TFEC: variants seen among roughly 807,000 people sequenced by gnomAD.
The protein encoded by TFEC is transcription factor EC, also known as class E basic helix-loop-helix protein 34.
Under a neutral mutation model 41.6 loss-of-function variants are expected in TFEC, and 31 were observed. That is an observed-to-expected ratio of 0.74 (90% CI 0.56 to 1.01). The LOEUF is 1.01. TFEC is among the 50% of genes least tolerant of loss of function. The pLI is 0.00. For missense variants in TFEC, 402 were observed against 404.1 expected (o/e 0.99, Z 0.04); for synonymous variants, 143 against 140.6 (o/e 1.02, Z -0.12).
At chr7:116,009,986 T>C (rs1794938402) in intron 1 of TFEC, among the ~76,000 whole-genome samples, 1 of 152,128 alleles carries the variant, frequency 6.6e-6, no homozygotes, top group Non-Finnish European at 1.5e-5. Context: ...GATGGGATGA[T>C]AGGGCTCAAA....
At chr7:115,942,120 A>G in intron 6 of TFEC, 80 bp from the exon 7 acceptor site, 1 of 1,376,910 alleles carries the variant, frequency 7.3e-7, no homozygotes, top group Non-Finnish European at 9.8e-7. Flanking sequence ...TTTTACATTA[A>G]TATGAAATAA....
At chr7:116,014,690 T>G (rs1169413818) in intron 1 of TFEC, among the ~76,000 whole-genome samples, 1 of 152,126 alleles carries the variant, frequency 6.6e-6, no homozygotes, top group Non-Finnish European at 1.5e-5. Context: ...ACAAGGAGTT[T>G]TGTATGTGTT....
At chr7:115,977,703 TAGAG>T (rs1235373469) in intron 2 of TFEC, among the ~76,000 whole-genome samples, 1 of 152,020 alleles carries the variant, frequency 6.6e-6, no homozygotes, top group East Asian at 1.9e-4. Context: ...TAGATATATG[TAGAG>T]AGAGACATAC....
chr7:115,966,806 C>G (rs1291685880), intron 3 of TFEC, among the ~76,000 whole-genome samples: 1 of 151,642 alleles, frequency 6.6e-6, no homozygotes, highest in East Asian at 1.9e-4. Flanking sequence ...TACCAATGTC[C>G]CCATTCCTTC....
At chr7:116,040,834 G>T (rs748617158) in intron 3 of TFEC, among the ~76,000 whole-genome samples, 4 of 152,164 alleles carry the variant, frequency 2.6e-5, no homozygotes, top group African/African-American at 9.7e-5. Flanking sequence ...CTGCATTTGT[G>T]TGTATTGTGA....
intron 1 of TFEC, among the ~76,000 whole-genome samples, chr7:116,129,441 C>T (rs1798284525): frequency 1.3e-5 from 2 of 151,022 alleles, no homozygotes; most frequent in African/African-American, 2.4e-5. Flanking sequence ...ATACGGCATA[C>T]AGAGAGCATT....
upstream of TFEC, among the ~76,000 whole-genome samples, chr7:116,033,988 G>A (rs1180639965): frequency 6.6e-6 from 1 of 152,072 alleles, no homozygotes; most frequent in Non-Finnish European, 1.5e-5. Flanking sequence ...GTCAGGACTA[G>A]CAATGACCTC....
At chr7:116,095,409 GACACATACACACATACACATATACATAC>G (rs1431166747) in intron 3 of TFEC, among the ~76,000 whole-genome samples, 1 of 152,032 alleles carries the variant, frequency 6.6e-6, no homozygotes, top group African/African-American at 2.4e-5. Context: ...TGCATGTGTG[GACACATACACACATACACATATACATAC>G]ACACATACAC....
intron 3 of TFEC, among the ~76,000 whole-genome samples, chr7:116,097,551 A>T (rs1215520948): frequency 6.6e-6 from 1 of 152,192 alleles, no homozygotes; most frequent in Admixed American, 6.5e-5. Flanking sequence ...CTACTAAGTG[A>T]CTAACAGGAA....
chr7:116,122,216 GT>G (rs1798122589), intron 1 of TFEC, among the ~76,000 whole-genome samples: 1 of 152,070 alleles, frequency 6.6e-6, no homozygotes, highest in African/African-American at 2.4e-5. Context: ...ACATGTTACT[GT>G]GATTAAGCAC....
chr7:116,109,208 C>A (rs1020741923), intron 3 of TFEC, among the ~76,000 whole-genome samples: 5 of 151,814 alleles, frequency 3.3e-5, no homozygotes, highest in East Asian at 1.9e-4. Context: ...GCAACAAAAG[C>A]CAAAATTGAC....
At chr7:116,036,703 A>G (rs1319812829) in intron 3 of TFEC, among the ~76,000 whole-genome samples, 2 of 152,116 alleles carry the variant, frequency 1.3e-5, no homozygotes, top group African/African-American at 4.8e-5. Flanking sequence ...CAAGGAGTTT[A>G]AAATCTAATC....
chr7:116,151,660 T>A (rs1798764549), intron 1 of TFEC, among the ~76,000 whole-genome samples: 2 of 152,170 alleles, frequency 1.3e-5, no homozygotes, highest in African/African-American at 2.4e-5. Context: ...ATGGAATTTT[T>A]TTTTTCATTC....
chr7:115,982,092 C>T (rs972394003), intron 2 of TFEC, among the ~76,000 whole-genome samples: 3 of 152,038 alleles, frequency 2.0e-5, no homozygotes, highest in African/African-American at 7.2e-5. Context: ...ATTCCAATTA[C>T]CAAATCCTGA....
At chr7:116,010,239 A>T (rs987016515) in intron 1 of TFEC, among the ~76,000 whole-genome samples, 3 of 152,104 alleles carry the variant, frequency 2.0e-5, no homozygotes, top group Non-Finnish European at 4.4e-5. Flanking sequence ...TAATAAAGGG[A>T]GGGGCAAATA....
intron 3 of TFEC, chr7:115,968,225 A>G: frequency 6.5e-7 from 1 of 1,531,348 alleles, no homozygotes; most frequent in Non-Finnish European, 8.7e-7. Context: ...CACAATAGCA[A>G]TGGTTTTCTC....
intron 3 of TFEC, among the ~76,000 whole-genome samples, chr7:116,062,241 T>TTTC (rs1796577854): frequency 7.6e-6 from 1 of 131,452 alleles, no homozygotes; most frequent in African/African-American, 2.9e-5. Flanking sequence ...TTTTTTTTTT[T>TTTC]TTTTTTTTTT....
At chr7:116,040,091 A>G (rs1796001003) in intron 3 of TFEC, among the ~76,000 whole-genome samples, 1 of 152,152 alleles carries the variant, frequency 6.6e-6, no homozygotes, top group Non-Finnish European at 1.5e-5. Context: ...CTTGGTGACA[A>G]GAAATGTTAA....
chr7:116,029,713 T>C (rs1007442411), intron 1 of TFEC, among the ~76,000 whole-genome samples: 1 of 151,970 alleles, frequency 6.6e-6, no homozygotes, highest in African/African-American at 2.4e-5. Flanking sequence ...TATATATGTA[T>C]GTACATGTGT....
Sources: allele counts gnomAD v4.1 joint callset (sites outside exome capture counted in the v4.1 genomes callset), GRCh38; gene constraint gnomAD v4.1.1; transcripts MANE v1.5; gene names NCBI Gene and HGNC (gene_info 2026-07-23, HGNC 2026-07-21).